The following UGP2 variants were observed in gnomAD, a reference collection of about 807,000 sequenced individuals.
The protein encoded by UGP2 is UTP--glucose-1-phosphate uridylyltransferase.
In UGP2, 40 loss-of-function variants were observed where a neutral mutation model predicts 49.0. That is an observed-to-expected ratio of 0.82 (90% CI 0.63 to 1.06). UGP2 has a LOEUF of 1.06. UGP2 is among the 50% of genes least tolerant of loss of function. The pLI, the probability that UGP2 is intolerant of heterozygous loss-of-function variation, is 0.00. For missense variants in UGP2, 460 were observed against 603.5 expected (o/e 0.76, Z 2.49); for synonymous variants, 225 against 213.0 (o/e 1.06, Z -0.49).
At chr2:63,844,196 C>T (rs950380961) in intron 1 of UGP2, among the ~76,000 whole-genome samples, 2 of 152,118 alleles carry the variant, frequency 1.3e-5, no homozygotes, top group Admixed American at 6.5e-5. Flanking sequence ...CAGTGTGAGC[C>T]CTCTATATGT....
chr2:63,878,546 T>G (rs911971776), intron 3 of UGP2, among the ~76,000 whole-genome samples: 1 of 152,212 alleles, frequency 6.6e-6, no homozygotes, highest in Non-Finnish European at 1.5e-5. Context: ...AATAAAACTT[T>G]CCAGTAACAT....
intron 3 of UGP2, among the ~76,000 whole-genome samples, chr2:63,864,607 A>AT (rs1465387489): frequency 2.6e-5 from 4 of 152,162 alleles, no homozygotes; most frequent in Admixed American, 2.0e-4. Flanking sequence ...TCCTTAGCTA[A>AT]TAAGGCAGAA....
At chr2:63,889,220 C>T (rs766622535) in intron 8 of UGP2, 1 of 151,020 alleles carries the variant, frequency 6.6e-6, no homozygotes, top group Non-Finnish European at 1.5e-5. Flanking sequence ...ATATGAATAT[C>T]GAAAACTCAA....
In UGP2 at chr2:63,882,530, A is replaced by G; in HGVS notation, c.320A>G (p.Lys107Arg). Residue 107 changes from lysine (K) to arginine (R), a missense_variant, in exon 4 of 10, where the codon AAA becomes AGA. Lys to Arg is a conservative substitution (Grantham distance 26). Transcript: ENST00000337130. ...LPDNISSVLN[K>R]LVVVKLNGGL... The stretch of plus-strand genomic sequence containing the variant: ...GATAATATATCTTCCGTGTTGAACA[A>G]ACTAGTGGTGGTGAAACTCAATGGT... The G allele has an allele frequency of 6.2e-7, 1 of 1,613,352 alleles. No homozygotes were observed. The highest frequency in any genetic ancestry group is 1.1e-5 in the South Asian group (1 of 90,974).
intron 1 of UGP2, among the ~76,000 whole-genome samples, chr2:63,843,977 C>A (rs1016297843): frequency 1.3e-5 from 2 of 152,182 alleles, no homozygotes; most frequent in Non-Finnish European, 2.9e-5. Flanking sequence ...TGCACTACAG[C>A]CTCAAGCCCC....
At position 63,882,515 on chromosome 2, in the gene UGP2, C is replaced by T; in HGVS notation, c.305C>T (p.Ser102Phe). The change falls in exon 4 of 10, where the codon TCT becomes TTT. Residue 102 changes from serine to phenylalanine, a missense_variant. Transcript: ENST00000337130. ...IKARGLPDNISSVLNKLVVVK... is the reference protein window; with the variant it reads ...IKARGLPDNIFSVLNKLVVVK... ...GCCAGGGGCTTGCCTGATAATATAT[C>T]TTCCGTGTTGAACAAACTAGTGGTG... 6.2e-7 allele frequency: 1 copy of T among 1,611,406 alleles called. No individual in the cohort carries two copies. Among genetic ancestry groups the T allele is most frequent in the Non-Finnish European group, 8.5e-7 (1 of 1,178,096 alleles).
intron 1 of UGP2, among the ~76,000 whole-genome samples, chr2:63,847,987 A>C (rs969600926): frequency 6.6e-6 from 1 of 152,248 alleles, no homozygotes; most frequent in East Asian, 1.9e-4. Flanking sequence ...TTTGAAAGTC[A>C]ACCTGGATTA....
intron 7 of UGP2, 32 bp downstream of exon 7, chr2:63,886,570 T>G: frequency 6.2e-7 from 1 of 1,611,556 alleles, no homozygotes; most frequent in Non-Finnish European, 8.5e-7. Context: ...TTGAGCTTCC[T>G]GGTTCCTAAG....
intron 1 of UGP2, among the ~76,000 whole-genome samples, chr2:63,848,028 T>G (rs1355308962): frequency 6.6e-6 from 1 of 152,196 alleles, no homozygotes; most frequent in East Asian, 1.9e-4. Flanking sequence ...TGTGTTAACT[T>G]TCTGTAATGC....
intron 1 of UGP2, among the ~76,000 whole-genome samples, chr2:63,843,884 C>A (rs950300005): frequency 6.6e-6 from 1 of 151,654 alleles, no homozygotes; most frequent in Non-Finnish European, 1.5e-5. Flanking sequence ...TTTCTTTTTT[C>A]TTTTTCTTTC....
intron 3 of UGP2, among the ~76,000 whole-genome samples, chr2:63,871,395 C>T (rs921440826): frequency 6.6e-6 from 1 of 152,138 alleles, no homozygotes; most frequent in Non-Finnish European, 1.5e-5. Context: ...AAGCAATTTT[C>T]CTGCCTCAGC....
intron 5 of UGP2, among the ~76,000 whole-genome samples, chr2:63,884,782 C>G (rs1447260681): frequency 6.6e-6 from 1 of 151,890 alleles, no homozygotes; most frequent in Non-Finnish European, 1.5e-5. Context: ...TGGTGGTGTG[C>G]CCTTGTAGCC....
chr2:63,862,285 C>T (rs965643257), intron 3 of UGP2, among the ~76,000 whole-genome samples: 2 of 152,014 alleles, frequency 1.3e-5, no homozygotes, highest in African/African-American at 4.8e-5. Flanking sequence ...ACCAAAGAGT[C>T]TCATCATTTC....
chr2:63,867,028 G>A (rs1185221804), intron 3 of UGP2, among the ~76,000 whole-genome samples: 1 of 152,146 alleles, frequency 6.6e-6, no homozygotes, highest in Admixed American at 6.5e-5. Context: ...GGATAGCTGA[G>A]CTTGTGGTTT....
chr2:63,852,797 G>A (rs1669127954), intron 1 of UGP2, among the ~76,000 whole-genome samples: 1 of 152,204 alleles, frequency 6.6e-6, no homozygotes, highest in Non-Finnish European at 1.5e-5. Context: ...AATGTGAGGG[G>A]AAAGGTGGGA....
At chr2:63,859,918 T>C (rs1212965013) in intron 3 of UGP2, among the ~76,000 whole-genome samples, 1 of 152,230 alleles carries the variant, frequency 6.6e-6, no homozygotes, top group Non-Finnish European at 1.5e-5. Flanking sequence ...ATGTGTTTTA[T>C]ATACGATATG....
rs1048900800 is a variant in UGP2 at position 63,842,596 on chromosome 2, C to T, written c.19+392C>T. On this transcript the variant is annotated intron_variant, in intron 1 of 9. Coordinates refer to ENST00000337130, the MANE Select transcript of UGP2 (RefSeq NM_006759.4). ...GGGGAAGCGGGAGGACTGAGAAAAG[C>T]CGGGTGGGTTTTGCCGGGACTGTTG... The T allele has an allele frequency of 2.7e-6, 4 of 1,472,636 alleles. No individual in the cohort carries two copies. In the African/African-American group the frequency reaches 4.2e-5, roughly 15 times the overall value. 91.2% of individuals were successfully genotyped at this position (1,472,636 alleles called of 1,614,324 possible).
intron 3 of UGP2, among the ~76,000 whole-genome samples, chr2:63,879,752 T>G (rs193039655): frequency 0.048 from 5,384 of 111,202 alleles, 225 homozygotes; most frequent in African/African-American, 0.11. Context: ...TTATAAACTT[T>G]TATGTATGCG....
chr2:63,874,333 G>A (rs559716329), intron 3 of UGP2, among the ~76,000 whole-genome samples: 2 of 152,114 alleles, frequency 1.3e-5, no homozygotes, highest in South Asian at 4.1e-4. Flanking sequence ...AAGAGGTAAA[G>A]GATCATAGAG....
Sources: gnomAD v4.1 joint callset for allele counts (sites outside exome capture counted in the v4.1 genomes callset) on GRCh38, gnomAD v4.1.1 for gene constraint, MANE v1.5 for transcripts, NCBI Gene and HGNC (gene_info 2026-07-23, HGNC 2026-07-21) for gene names.